KCNB2: variants seen among roughly 807,000 people sequenced by gnomAD.
KCNB2 encodes the protein potassium voltage-gated channel subfamily B member 2.
A neutral mutation model predicts 61.5 loss-of-function variants in KCNB2; 15 were observed. The observed-to-expected ratio is 0.24, with a 90% confidence interval of 0.16 to 0.38. The LOEUF is 0.38. Ranked by LOEUF, KCNB2 falls within the 10% of genes least tolerant of loss-of-function variation. The pLI is 1.00. For missense variants in KCNB2, 828 were observed against 1,125.2 expected (o/e 0.74, Z 3.78); for synonymous variants, 457 against 446.0 (o/e 1.02, Z -0.31).
intron 2 of KCNB2, among the ~76,000 whole-genome samples, chr8:72,694,595 T>C (rs1344635743): frequency 6.6e-6 from 1 of 152,162 alleles, no homozygotes; most frequent in East Asian, 1.9e-4. Flanking sequence ...TGTTCTCATA[T>C]CTTCCCAAAG....
chr8:72,664,579 G>C, intron 2 of KCNB2, among the ~76,000 whole-genome samples: 1 of 152,152 alleles, frequency 6.6e-6, no homozygotes, highest in East Asian at 1.9e-4. Flanking sequence ...TCAAAGGAAA[G>C]ACTTCCCTTT....
At chr8:72,747,015 G>C (rs1808084399) in intron 2 of KCNB2, among the ~76,000 whole-genome samples, 1 of 152,112 alleles carries the variant, frequency 6.6e-6, no homozygotes, top group South Asian at 2.1e-4. Flanking sequence ...GGGTACCTGG[G>C]ATTTGTTTAT....
intron 2 of KCNB2, among the ~76,000 whole-genome samples, chr8:72,663,884 A>G (rs1806422431): frequency 6.6e-6 from 1 of 152,150 alleles, no homozygotes; most frequent in Admixed American, 6.5e-5. Flanking sequence ...CCAAAAACCA[A>G]CTGCAGTTTG....
intron 1 of KCNB2, among the ~76,000 whole-genome samples, chr8:72,558,192 G>A (rs1419741123): frequency 6.6e-6 from 1 of 152,172 alleles, no homozygotes. Context: ...AAGCCCTCAT[G>A]GCAACTTGTA....
At chr8:72,872,596 T>C (rs1263868518) in intron 2 of KCNB2, among the ~76,000 whole-genome samples, 3 of 152,164 alleles carry the variant, frequency 2.0e-5, no homozygotes, top group Non-Finnish European at 4.4e-5. Flanking sequence ...GTCCTAAAAA[T>C]CACCAGTGAA....
At position 72,845,331 on chromosome 8, in the gene KCNB2, C is replaced by T. The variant is rs187112144; in HGVS notation, c.580-90604C>T. 4.9e-4 allele frequency among the ~76,000 whole-genome samples: 75 copies of T among 152,272 alleles called. 1 individual carries two copies. The highest frequency in any genetic ancestry group is 1.1e-3 in the African/African-American group (47 of 41,558). Reference sequence around the variant, plus strand: ...AGAAGCTTCGTCCCAGAGGGGTACCCGCCAGATGCCAGCTGGAGCTCTTTT... The same window carrying T: ...AGAAGCTTCGTCCCAGAGGGGTACCTGCCAGATGCCAGCTGGAGCTCTTTT... On this transcript the variant is annotated intron_variant, in intron 2 of 2. Transcript: ENST00000523207.
chr8:72,611,272 G>C (rs1323669985), intron 2 of KCNB2, among the ~76,000 whole-genome samples: 2 of 152,106 alleles, frequency 1.3e-5, no homozygotes, highest in Non-Finnish European at 2.9e-5. Context: ...ATAGATACCT[G>C]TATTAATTTT....
At chr8:72,821,641 C>CAAA (rs61090576) in intron 2 of KCNB2, among the ~76,000 whole-genome samples, 2 of 125,750 alleles carry the variant, frequency 1.6e-5, no homozygotes, top group Non-Finnish European at 3.2e-5. Context: ...CAAAAAAAAA[C>CAAA]AAAAAAAAAA....
At chr8:72,744,724 C>A (rs1808028605) in intron 2 of KCNB2, among the ~76,000 whole-genome samples, 1 of 152,100 alleles carries the variant, frequency 6.6e-6, no homozygotes, top group African/African-American at 2.4e-5. Flanking sequence ...TAGGGCCGAG[C>A]ATCCCAGAGA....
At chr8:72,739,245 C>T (rs964519469) in intron 2 of KCNB2, among the ~76,000 whole-genome samples, 8 of 151,794 alleles carry the variant, frequency 5.3e-5, no homozygotes, top group Non-Finnish European at 1.0e-4. Flanking sequence ...CCCCCACCCC[C>T]GAGAACTGGA....
intron 2 of KCNB2, among the ~76,000 whole-genome samples, chr8:72,706,288 G>C (rs1807222417): frequency 6.6e-6 from 1 of 152,186 alleles, no homozygotes; most frequent in Non-Finnish European, 1.5e-5. Flanking sequence ...TTGTAGCACT[G>C]TTCTAATAGC....
intron 2 of KCNB2, among the ~76,000 whole-genome samples, chr8:72,718,501 C>T (rs897950534): frequency 1.5e-4 from 23 of 152,102 alleles, no homozygotes; most frequent in Non-Finnish European, 3.1e-4. Flanking sequence ...ATGATGAGTT[C>T]ATCTCTTTTG....
At chr8:72,802,668 A>C in intron 2 of KCNB2, among the ~76,000 whole-genome samples, 1 of 152,280 alleles carries the variant, frequency 6.6e-6, no homozygotes, top group African/African-American at 2.4e-5. Context: ...CTGAAGCCTG[A>C]CTTCATTCAG....
chr8:72,759,319 T>C (rs968438205), intron 2 of KCNB2, among the ~76,000 whole-genome samples: 3 of 152,188 alleles, frequency 2.0e-5, no homozygotes, highest in Non-Finnish European at 4.4e-5. Flanking sequence ...CCTCTCTATA[T>C]TCATTGGAAA....
intron 2 of KCNB2, among the ~76,000 whole-genome samples, chr8:72,927,922 G>A (rs1806687269): frequency 6.6e-6 from 1 of 152,058 alleles, no homozygotes; most frequent in African/African-American, 2.4e-5. Context: ...TCCCTTTTCT[G>A]TGTAGAAACC....
intron 2 of KCNB2, among the ~76,000 whole-genome samples, chr8:72,907,397 C>A (rs940890927): frequency 1.3e-5 from 2 of 151,916 alleles, no homozygotes; most frequent in Non-Finnish European, 2.9e-5. Flanking sequence ...ACCACACTCA[C>A]ACGCACACAC....
intron 2 of KCNB2, among the ~76,000 whole-genome samples, chr8:72,650,944 G>A (rs952309975): frequency 2.0e-5 from 3 of 151,988 alleles, no homozygotes; most frequent in Non-Finnish European, 4.4e-5. Flanking sequence ...TTTAATAGAC[G>A]AATACATTTG....
intron 2 of KCNB2, among the ~76,000 whole-genome samples, chr8:72,617,211 T>A (rs1585786916): frequency 6.6e-6 from 1 of 152,284 alleles, no homozygotes; most frequent in Middle Eastern, 3.4e-3. Context: ...CTGAAACCTG[T>A]ATACTAATGT....
intron 2 of KCNB2, among the ~76,000 whole-genome samples, chr8:72,594,666 A>G (rs574237991): frequency 3.0e-4 from 45 of 152,300 alleles, no homozygotes; most frequent in African/African-American, 1.0e-3. Context: ...GCTTTTCCAT[A>G]CCTGAGAATC....
Sources: allele counts gnomAD v4.1 joint callset (sites outside exome capture counted in the v4.1 genomes callset), GRCh38; gene constraint gnomAD v4.1.1; transcripts MANE v1.5; gene names NCBI Gene and HGNC (gene_info 2026-07-23, HGNC 2026-07-21).